The following AEBP2 variants were observed in gnomAD, a reference collection of about 807,000 sequenced individuals.
AEBP2 encodes AE binding protein 2, also known as zinc finger protein AEBP2.
In AEBP2, 10 loss-of-function variants were observed where a neutral mutation model predicts 50.8. The observed-to-expected ratio is 0.20, with a 90% CI of 0.12 to 0.33. The LOEUF is 0.33. Among genes scored for constraint, AEBP2 ranks in the 10% least tolerant of loss-of-function variants. The pLI, the probability that AEBP2 is intolerant of heterozygous loss-of-function variation, is 1.00. For missense variants in AEBP2, 570 were observed against 688.0 expected (o/e 0.83, Z 1.92); for synonymous variants, 296 against 261.3 (o/e 1.13, Z -1.28).
chr12:19,457,410 A>G (rs1260642152), intron 1 of AEBP2: 21 of 1,487,010 alleles, frequency 1.4e-5, no homozygotes, highest in African/African-American at 2.8e-5. Flanking sequence ...GCTGTTCTCA[A>G]ATTTCCACAA....
intron 3 of AEBP2, among the ~76,000 whole-genome samples, chr12:19,492,874 G>A (rs1205356854): frequency 6.6e-6 from 1 of 152,052 alleles, no homozygotes; most frequent in Non-Finnish European, 1.5e-5. Flanking sequence ...CACCTGGGAG[G>A]CTGAGGTGGG....
Position 19,440,177 on chromosome 12 carries a change from G to A in AEBP2, c.478G>A (p.Glu160Lys). Residue 160 changes from glutamate (E) to lysine (K), a missense_variant, in exon 1 of 8, where the codon GAG (glutamate) becomes AAG (lysine). Glu to Lys is a moderately conservative substitution (Grantham distance 56). Transcript: ENST00000266508. ...TGGGGACGGCAAGGAGGGCCTGGAG[G>A]AGCCCAAGGGACCGCGGGGCAGCCA... is the stretch of plus-strand genomic sequence containing the variant. ...GDGDGKEGLE[E>K]PKGPRGSQGG... 4 of 1,475,708 alleles carry A rather than the reference G, an allele frequency of 2.7e-6. No homozygotes were observed. Among genetic ancestry groups the A allele is most frequent in the Non-Finnish European group, 3.6e-6 (4 of 1,123,714 alleles). The allele number at this position is 1,475,708 out of a possible 1,614,324, so 91.4% of individuals were successfully genotyped here.
Position 19,440,099 on chromosome 12 carries a change from A to G in AEBP2, c.400A>G (p.Ser134Gly). ...GGTGGGCAGCAGCGGCGGGAGCAGC[A>G]GCGACGAGACCCGCTCGTTGAGCCC... ...SLVGSSGGSSSDETRSLSPGA... is the reference protein window; with the variant it reads ...SLVGSSGGSSGDETRSLSPGA... Residue 134 changes from serine to glycine, a missense_variant, in exon 1 of 8, where the codon AGC becomes GGC. This residue lies in a region of AEBP2 where 386 missense variants were observed against 336.8 expected (regional missense o/e 1.15). Transcript: ENST00000266508. The G allele has an allele frequency of 1.3e-6, 2 of 1,507,800 alleles. No individual in the cohort carries two copies. The highest frequency in any genetic ancestry group is 1.8e-6 in the Non-Finnish European group (2 of 1,134,590). 93.4% of individuals were successfully genotyped at this position (1,507,800 alleles called of 1,614,324 possible).
intron 1 of AEBP2, among the ~76,000 whole-genome samples, chr12:19,453,150 T>C (rs1488850334): frequency 1.3e-5 from 2 of 151,964 alleles, no homozygotes; most frequent in African/African-American, 4.8e-5. Context: ...TTTGTATTTT[T>C]AGTAAAGATG....
At chr12:19,468,158 A>ATGTGTT (rs1948513623) in intron 2 of AEBP2, among the ~76,000 whole-genome samples, 1 of 70,736 alleles carries the variant, frequency 1.4e-5, no homozygotes, top group East Asian at 4.2e-4. Flanking sequence ...GTGTGTGTGT[A>ATGTGTT]TGTGTTTTTA....
At position 19,509,971 on chromosome 12, in the gene AEBP2, T is replaced by C. The variant is rs931976441; in HGVS notation, c.1300-2427T>C. ...CCTCAGCCTCCTGAGTAGCTGGGAT[T>C]ACTGACGTGCACCATCACACCTGGC... On this transcript the variant is annotated intron_variant, in intron 5 of 7. Coordinates refer to ENST00000266508, the MANE Select transcript of AEBP2 (RefSeq NM_153207.5). Among the ~76,000 whole-genome samples the C allele has an allele frequency of 5.9e-5, 9 of 151,888 alleles. 1 individual carries two copies. Among genetic ancestry groups the C allele is most frequent in the African/African-American group, 2.2e-4 (9 of 41,308 alleles).
chr12:19,509,034 C>T, intron 5 of AEBP2: 1 of 554,860 alleles, frequency 1.8e-6, no homozygotes, highest in South Asian at 1.5e-5. Context: ...GCACCAAAAT[C>T]TGCATGTGGC....
chr12:19,430,592 A>T (rs1463238492), intron 1 of AEBP2, among the ~76,000 whole-genome samples: 1 of 152,108 alleles, frequency 6.6e-6, no homozygotes, highest in African/African-American at 2.4e-5. Flanking sequence ...CACGATATTG[A>T]TTCTTCCTAC....
intron 1 of AEBP2, among the ~76,000 whole-genome samples, chr12:19,415,681 C>CAATACAATAT (rs2095742172): frequency 6.6e-6 from 1 of 151,156 alleles, no homozygotes; most frequent in Admixed American, 6.7e-5. Context: ...CAATACAATA[C>CAATACAATAT]AATACAATAC....
chr12:19,491,704 GA>G (rs1948896430), intron 3 of AEBP2, among the ~76,000 whole-genome samples: 1 of 151,058 alleles, frequency 6.6e-6, no homozygotes, highest in African/African-American at 2.4e-5. Flanking sequence ...TACCATATAA[GA>G]AGAATGTGTG....
chr12:19,422,225 A>G (rs560189439), intron 1 of AEBP2, among the ~76,000 whole-genome samples: 7 of 152,264 alleles, frequency 4.6e-5, no homozygotes, highest in Admixed American at 2.6e-4. Context: ...TCATGTTGTT[A>G]TATTGCCTTT....
chr12:19,452,301 C>A (rs1050001018), intron 1 of AEBP2, among the ~76,000 whole-genome samples: 9 of 151,840 alleles, frequency 5.9e-5, no homozygotes, highest in Non-Finnish European at 1.3e-4. Context: ...CCAAAAGTGG[C>A]CATCTTTAAA....
At chr12:19,492,799 T>G (rs1289249659) in intron 3 of AEBP2, among the ~76,000 whole-genome samples, 3 of 151,862 alleles carry the variant, frequency 2.0e-5, no homozygotes, top group Non-Finnish European at 4.4e-5. Context: ...AAACCCCCTT[T>G]TGACAAAAAA....
intron 1 of AEBP2, among the ~76,000 whole-genome samples, chr12:19,412,111 T>A (rs746919298): frequency 5.3e-5 from 8 of 152,210 alleles, no homozygotes; most frequent in Non-Finnish European, 1.2e-4. Context: ...CAGGGCTGTA[T>A]CTGTCCGGAG....
chr12:19,448,779 A>G (rs1948118010), intron 1 of AEBP2, among the ~76,000 whole-genome samples: 1 of 152,144 alleles, frequency 6.6e-6, no homozygotes, highest in African/African-American at 2.4e-5. Context: ...TCCTGGACCC[A>G]AGTGACTGTC....
chr12:19,414,247 T>G (rs1231258187), intron 1 of AEBP2, among the ~76,000 whole-genome samples: 1 of 152,156 alleles, frequency 6.6e-6, no homozygotes, highest in Non-Finnish European at 1.5e-5. Flanking sequence ...TCCTGTGATT[T>G]AGAATGCCTT....
intron 1 of AEBP2, among the ~76,000 whole-genome samples, chr12:19,430,605 A>G (rs1271962587): frequency 6.6e-6 from 1 of 152,148 alleles, no homozygotes; most frequent in Non-Finnish European, 1.5e-5. Context: ...CTTCCTACCC[A>G]TGAGCATGGA....
At chr12:19,459,837 T>C (rs1948340561) in intron 1 of AEBP2, among the ~76,000 whole-genome samples, 1 of 152,194 alleles carries the variant, frequency 6.6e-6, no homozygotes, top group African/African-American at 2.4e-5. Context: ...ACATTTTTCA[T>C]ATCTGAAGCA....
intron 4 of AEBP2, 112 bp from the exon 5 acceptor site, chr12:19,499,985 T>C: frequency 1.9e-6 from 2 of 1,030,028 alleles, no homozygotes; most frequent in Non-Finnish European, 1.4e-6. Flanking sequence ...CAAATAATAA[T>C]CTTGAATTTA....
Sources: gnomAD v4.1 joint callset for allele counts (sites outside exome capture counted in the v4.1 genomes callset) on GRCh38, gnomAD v4.1.1 for gene constraint, gnomAD v4.1.1 regional missense constraint, MANE v1.5 for transcripts, NCBI Gene and HGNC (gene_info 2026-07-23, HGNC 2026-07-21) for gene names.